Variants in GRIP1 observed in about 807,000 individuals in gnomAD.
The protein encoded by GRIP1 is glutamate receptor interacting protein 1, also known as glutamate receptor-interacting protein 1.
Under a neutral mutation model 129.9 loss-of-function variants are expected in GRIP1, and 45 were observed. That is an observed-to-expected ratio of 0.35 (90% CI 0.27 to 0.44). The LOEUF is 0.44. GRIP1 is among the 20% of genes least tolerant of loss of function. GRIP1 has a pLI of 1.00. For missense variants in GRIP1, 1,196 were observed against 1,396.8 expected (o/e 0.86, Z 2.29); for synonymous variants, 530 against 520.8 (o/e 1.02, Z -0.24).
intron 19 of GRIP1, among the ~76,000 whole-genome samples, chr12:66,383,706 A>G (rs2056226369): frequency 6.6e-6 from 1 of 152,208 alleles, no homozygotes; most frequent in Non-Finnish European, 1.5e-5. Flanking sequence ...TAACCATGGC[A>G]GACTACCTGT....
intron 5 of GRIP1, among the ~76,000 whole-genome samples, chr12:66,519,758 G>A (rs1650753760): frequency 6.6e-6 from 1 of 152,090 alleles, no homozygotes; most frequent in Non-Finnish European, 1.5e-5. Flanking sequence ...TCAATGCCAG[G>A]GCCACAGTGC....
At chr12:66,897,706 G>C (rs1186315904) in intron 1 of GRIP1, among the ~76,000 whole-genome samples, 2 of 152,154 alleles carry the variant, frequency 1.3e-5, no homozygotes, top group South Asian at 2.1e-4. Context: ...GGAAATTAAC[G>C]CTATGCCTCA....
At chr12:66,501,531 C>G (rs2060392835) in intron 7 of GRIP1, among the ~76,000 whole-genome samples, 1 of 152,094 alleles carries the variant, frequency 6.6e-6, no homozygotes. Flanking sequence ...CTTAATAGCA[C>G]TCTATAAAAG....
chr12:66,615,066 T>C (rs2064979936), intron 1 of GRIP1, among the ~76,000 whole-genome samples: 1 of 152,182 alleles, frequency 6.6e-6, no homozygotes, highest in African/African-American at 2.4e-5. Context: ...ACCTGTTTAA[T>C]GTCTGTCTCC....
chr12:67,028,437 A>G (rs1426552817), intron 1 of GRIP1, among the ~76,000 whole-genome samples: 1 of 152,214 alleles, frequency 6.6e-6, no homozygotes, highest in Non-Finnish European at 1.5e-5. Flanking sequence ...TTGAATGGAT[A>G]CCTGTAATTA....
intron 23 of GRIP1, among the ~76,000 whole-genome samples, chr12:66,357,490 C>T (rs1243720211): frequency 6.6e-6 from 1 of 152,172 alleles, no homozygotes; most frequent in African/African-American, 2.4e-5. Flanking sequence ...AGCTGTCCTA[C>T]TTTGGGTGGG....
intron 7 of GRIP1, among the ~76,000 whole-genome samples, chr12:66,481,601 T>C (rs1182227227): frequency 2.0e-5 from 3 of 152,312 alleles, no homozygotes; most frequent in Middle Eastern, 3.4e-3. Context: ...TTACTGGGTA[T>C]ATACCCAAAG....
chr12:66,545,252 A>G (rs961791488), intron 2 of GRIP1, among the ~76,000 whole-genome samples: 2 of 152,192 alleles, frequency 1.3e-5, no homozygotes, highest in Admixed American at 1.3e-4. Flanking sequence ...ATGAAATGAA[A>G]TTTAGTTGTT....
chr12:66,479,292 T>C (rs2138532842), intron 7 of GRIP1, among the ~76,000 whole-genome samples: 1 of 152,140 alleles, frequency 6.6e-6, no homozygotes, highest in Non-Finnish European at 1.5e-5. Flanking sequence ...TATAAATACC[T>C]CTATACAAAT....
chr12:66,776,368 G>A (rs1445739423), intron 1 of GRIP1, among the ~76,000 whole-genome samples: 1 of 152,192 alleles, frequency 6.6e-6, no homozygotes, highest in Non-Finnish European at 1.5e-5. Flanking sequence ...GATAGAATAC[G>A]TACTTGTTCT....
At chr12:66,966,683 A>C (rs1341019379) in intron 1 of GRIP1, among the ~76,000 whole-genome samples, 1 of 152,170 alleles carries the variant, frequency 6.6e-6, no homozygotes, top group Non-Finnish European at 1.5e-5. Context: ...AAATGCCATC[A>C]ATTAAAATTT....
At position 66,615,816 on chromosome 12, in the gene GRIP1, T is replaced by C. The variant is rs368880562; in HGVS notation, c.56-18889A>G. Among the ~76,000 whole-genome samples the C allele has an allele frequency of 2.2e-3, 330 of 152,122 alleles. 1 individual carries two copies. Among genetic ancestry groups the C allele is most frequent in the African/African-American group, 7.7e-3 (318 of 41,514 alleles). On this transcript the variant is annotated intron_variant, in intron 1 of 24. Transcript: ENST00000359742. ...TCCACCATCATGCCCAGCTAATTTT[T>C]GTATTTTTAGTAGAGGCAGGGTTTC...
intron 1 of GRIP1, among the ~76,000 whole-genome samples, chr12:66,713,962 A>G (rs1367971348): frequency 1.3e-5 from 2 of 152,054 alleles, no homozygotes; most frequent in Non-Finnish European, 2.9e-5. Flanking sequence ...AGGCAAGGGT[A>G]AAAAAATTCA....
intron 1 of GRIP1, among the ~76,000 whole-genome samples, chr12:66,746,118 G>C (rs569471109): frequency 6.6e-6 from 1 of 152,118 alleles, no homozygotes; most frequent in Non-Finnish European, 1.5e-5. Context: ...CTGCCACATC[G>C]ATTGAATATA....
intron 1 of GRIP1, among the ~76,000 whole-genome samples, chr12:66,942,589 T>G (rs1463674257): frequency 1.3e-5 from 2 of 152,234 alleles, no homozygotes; most frequent in Non-Finnish European, 2.9e-5. Flanking sequence ...CTTCATTTCA[T>G]GCAGCATGGG....
Position 67,048,229 on chromosome 12 carries a change from T to TCA in GRIP1, c.58+20819_58+20820dup, listed in dbSNP as rs142532972. 7.6e-3 allele frequency among the ~76,000 whole-genome samples: 1,140 copies of TCA among 150,454 alleles called. 14 individuals carry two copies. The highest frequency in any genetic ancestry group is 0.026 in the African/African-American group (1,050 of 41,162). ...TGAAATTTGTTTACATACACTCAGA[T>TCA]CACACACACACACACAAACGTGACA... On this transcript the variant is annotated intron_variant, in intron 1 of 1. Coordinates refer to the GRIP1 transcript ENST00000643019.
At chr12:67,023,340 C>A (rs1295420698) in intron 1 of GRIP1, among the ~76,000 whole-genome samples, 1 of 152,162 alleles carries the variant, frequency 6.6e-6, no homozygotes, top group East Asian at 1.9e-4. Flanking sequence ...CACATACTTT[C>A]CATAGGGATC....
At chr12:66,415,463 T>A (rs1404394406) in intron 15 of GRIP1, among the ~76,000 whole-genome samples, 1 of 152,144 alleles carries the variant, frequency 6.6e-6, no homozygotes, top group African/African-American at 2.4e-5. Context: ...TGCTTTTACA[T>A]GGTTGGTGGG....
At chr12:66,705,239 T>C (rs1173718419) in intron 1 of GRIP1, among the ~76,000 whole-genome samples, 1 of 152,132 alleles carries the variant, frequency 6.6e-6, no homozygotes, top group Non-Finnish European at 1.5e-5. Context: ...CCCACTGAAC[T>C]AAAAGTCAAT....
Sources: gnomAD v4.1 joint callset for allele counts (sites outside exome capture counted in the v4.1 genomes callset) on GRCh38, gnomAD v4.1.1 for gene constraint, MANE v1.5 for transcripts, NCBI Gene and HGNC (gene_info 2026-07-23, HGNC 2026-07-21) for gene names.